The following MYO3A variants were observed in gnomAD, a reference collection of about 807,000 sequenced individuals.
MYO3A encodes the protein myosin IIIA.
A neutral mutation model predicts 192.7 loss-of-function variants in MYO3A; 180 were observed. The observed-to-expected ratio is 0.93, with a 90% CI of 0.83 to 1.06. The LOEUF (loss-of-function observed/expected upper bound fraction) is 1.06, where lower values mean the gene tolerates loss of function less well. Among genes scored for constraint, MYO3A ranks in the 50% least tolerant of loss-of-function variants. MYO3A has a pLI of 0.00. For missense variants in MYO3A, 1,896 were observed against 1,905.0 expected (o/e 1.00, Z 0.09); for synonymous variants, 628 against 645.3 (o/e 0.97, Z 0.41).
chr10:25,966,577 C>CA (rs200075885), intron 4 of MYO3A, among the ~76,000 whole-genome samples: 1,689 of 150,786 alleles, frequency 0.011, 25 homozygotes, highest in African/African-American at 0.037. Flanking sequence ...TGAAAACAAA[C>CA]AAAAAAAAAC....
chr10:26,099,935 T>G (rs1358082999), intron 17 of MYO3A, among the ~76,000 whole-genome samples: 2 of 152,228 alleles, frequency 1.3e-5, no homozygotes, highest in Non-Finnish European at 2.9e-5. Flanking sequence ...TAAAATGACT[T>G]AGGGAGGATT....
chr10:26,205,065 C>A (rs564737665), intron 34 of MYO3A, among the ~76,000 whole-genome samples: 1 of 152,090 alleles, frequency 6.6e-6, no homozygotes, highest in Non-Finnish European at 1.5e-5. Context: ...ATTGGCATTG[C>A]GCGAGAGGGT....
intron 23 of MYO3A, among the ~76,000 whole-genome samples, chr10:26,153,369 G>A (rs1377852047): frequency 3.3e-5 from 5 of 152,178 alleles, no homozygotes; most frequent in African/African-American, 4.8e-5. Flanking sequence ...CATTTGTGTA[G>A]TCCTTAGAAT....
chr10:26,058,520 G>A (rs1376371239), intron 10 of MYO3A, among the ~76,000 whole-genome samples: 1 of 152,192 alleles, frequency 6.6e-6, no homozygotes, highest in Non-Finnish European at 1.5e-5. Flanking sequence ...TGTATGGCAA[G>A]AGCATGTTTC....
At chr10:25,939,259 T>A (rs1481807524) in intron 2 of MYO3A, among the ~76,000 whole-genome samples, 1 of 151,994 alleles carries the variant, frequency 6.6e-6, no homozygotes, top group Non-Finnish European at 1.5e-5. Context: ...TAGTTTTTTC[T>A]TGATCAATCT....
At chr10:26,075,795 C>G (rs1162693568) in intron 14 of MYO3A, among the ~76,000 whole-genome samples, 2 of 147,334 alleles carry the variant, frequency 1.4e-5, no homozygotes, top group African/African-American at 2.5e-5. Context: ...ATATGTCTCT[C>G]TCATATATAT....
At chr10:26,031,516 A>G (rs1247539378) in intron 10 of MYO3A, among the ~76,000 whole-genome samples, 2 of 152,214 alleles carry the variant, frequency 1.3e-5, no homozygotes, top group African/African-American at 2.4e-5. Context: ...AGGTGGTGAA[A>G]GACACTTGGT....
At chr10:26,029,979 G>T (rs1842733507) in intron 10 of MYO3A, among the ~76,000 whole-genome samples, 1 of 152,072 alleles carries the variant, frequency 6.6e-6, no homozygotes, top group Admixed American at 6.6e-5. Context: ...GAAGGAAATT[G>T]CAGATCCAGT....
At chr10:25,999,710 C>A (rs544801626) in intron 6 of MYO3A, among the ~76,000 whole-genome samples, 1 of 152,252 alleles carries the variant, frequency 6.6e-6, no homozygotes, top group Non-Finnish European at 1.5e-5. Flanking sequence ...CTGTCAGGCA[C>A]CTCATACTCA....
intron 10 of MYO3A, among the ~76,000 whole-genome samples, chr10:26,049,882 G>T (rs1843884676): frequency 1.3e-5 from 2 of 151,810 alleles, no homozygotes; most frequent in African/African-American, 2.4e-5. Context: ...CACCATGTTA[G>T]CTAGGATGGT....
intron 34 of MYO3A, among the ~76,000 whole-genome samples, chr10:26,205,775 C>T (rs1843902777): frequency 6.6e-6 from 1 of 151,668 alleles, no homozygotes; most frequent in South Asian, 2.1e-4. Context: ...CGCCATCACT[C>T]CCGGCTAATA....
At chr10:26,197,279 T>A (rs890213349) in intron 32 of MYO3A, among the ~76,000 whole-genome samples, 1 of 151,914 alleles carries the variant, frequency 6.6e-6, no homozygotes, top group African/African-American at 2.4e-5. Context: ...TCATGGTGAA[T>A]GAGTGCAGTG....
At chr10:26,108,425 CA>C (rs1051741690) in intron 17 of MYO3A, among the ~76,000 whole-genome samples, 19 of 152,010 alleles carry the variant, frequency 1.2e-4, no homozygotes, top group African/African-American at 4.1e-4. Context: ...CAATTATTCT[CA>C]AAAAAATTAG....
At chr10:26,061,785 C>T (rs528764635) in intron 10 of MYO3A, among the ~76,000 whole-genome samples, 25 of 152,176 alleles carry the variant, frequency 1.6e-4, no homozygotes, top group African/African-American at 6.0e-4. Flanking sequence ...AGTATTGATC[C>T]CTCTGCTCCT....
At chr10:26,195,031 C>A (rs1462426433) in intron 32 of MYO3A, among the ~76,000 whole-genome samples, 2 of 152,130 alleles carry the variant, frequency 1.3e-5, no homozygotes, top group Non-Finnish European at 2.9e-5. Flanking sequence ...TAATCACAAT[C>A]AATTTTACAA....
At chr10:26,075,851 C>CAT (rs769048984) in intron 14 of MYO3A, among the ~76,000 whole-genome samples, 137 of 148,510 alleles carry the variant, frequency 9.2e-4, no homozygotes, top group African/African-American at 2.6e-3. Flanking sequence ...GTGTCTCTCT[C>CAT]ATATATATCT....
chr10:25,982,512 C>T (rs1441756437), intron 4 of MYO3A, among the ~76,000 whole-genome samples: 1 of 152,144 alleles, frequency 6.6e-6, no homozygotes, highest in Non-Finnish European at 1.5e-5. Flanking sequence ...GTGCACTAAA[C>T]AAAAACACAA....
At chr10:26,192,516 T>C (rs1439097661) in intron 31 of MYO3A, among the ~76,000 whole-genome samples, 2 of 152,126 alleles carry the variant, frequency 1.3e-5, no homozygotes, top group Non-Finnish European at 2.9e-5. Context: ...ATAACATTCC[T>C]TTTTAAGTTT....
At chr10:26,172,408 A>G (rs1481201533) in intron 29 of MYO3A, among the ~76,000 whole-genome samples, 1 of 152,182 alleles carries the variant, frequency 6.6e-6, no homozygotes, top group Non-Finnish European at 1.5e-5. Flanking sequence ...CCTCAGAAGC[A>G]CCCATCATTG....
Sources: allele counts gnomAD v4.1 joint callset (sites outside exome capture counted in the v4.1 genomes callset), GRCh38; gene constraint gnomAD v4.1.1; transcripts MANE v1.5; gene names NCBI Gene and HGNC (gene_info 2026-07-23, HGNC 2026-07-21).